The following CTNND2 variants were observed in gnomAD, a reference collection of about 807,000 sequenced individuals.
CTNND2 encodes catenin delta-2.
CTNND2 carries 22 observed loss-of-function variants against 144.4 expected under a neutral mutation model. The observed-to-expected ratio is 0.15, with a 90% CI of 0.11 to 0.22. The LOEUF (loss-of-function observed/expected upper bound fraction) is 0.22, where lower values mean the gene tolerates loss of function less well. CTNND2 is among the 10% of genes least tolerant of loss of function. The pLI is 1.00. For missense variants in CTNND2, 1,353 were observed against 1,618.8 expected (o/e 0.84, Z 2.82); for synonymous variants, 751 against 695.6 (o/e 1.08, Z -1.25).
At chr5:11,753,102 T>C (rs1788717681) in intron 1 of CTNND2, among the ~76,000 whole-genome samples, 1 of 151,798 alleles carries the variant, frequency 6.6e-6, no homozygotes, top group Non-Finnish European at 1.5e-5. Context: ...GTTTTCTAGG[T>C]ATAGAATCAT....
chr5:11,131,227 T>G (rs561639557), intron 12 of CTNND2, among the ~76,000 whole-genome samples: 1 of 152,154 alleles, frequency 6.6e-6, no homozygotes, highest in African/African-American at 2.4e-5. Context: ...CTAGGAAACA[T>G]TGCAGAAGAG....
rs1485258098 is a variant in CTNND2, at chr5:11,817,622, C to T, written c.38-85350G>A. Reference sequence around the variant, plus strand: ...GGCAGCTGTGGTGGAAATTCTGAATCGGATGAGACTTAAGACATAAAAGCC... The same window carrying T: ...GGCAGCTGTGGTGGAAATTCTGAATTGGATGAGACTTAAGACATAAAAGCC... On this transcript the variant is annotated intron_variant, in intron 1 of 21. Transcript: ENST00000304623. Among the ~76,000 whole-genome samples, 5 of 152,016 alleles carry T rather than the reference C, an allele frequency of 3.3e-5. No homozygotes were observed. In the South Asian group the frequency reaches 8.3e-4, roughly 25 times the overall value.
At chr5:11,413,710 G>A (rs118066947) in intron 3 of CTNND2, among the ~76,000 whole-genome samples, 20 of 152,180 alleles carry the variant, frequency 1.3e-4, no homozygotes, top group East Asian at 3.9e-4. Context: ...TGATCCTTGC[G>A]TGCTTCTAAC....
intron 9 of CTNND2, among the ~76,000 whole-genome samples, chr5:11,338,680 G>T (rs1351516945): frequency 1.3e-5 from 2 of 152,140 alleles, no homozygotes; most frequent in African/African-American, 2.4e-5. Flanking sequence ...AATTAGGTGG[G>T]TATATTTAGG....
At chr5:11,275,626 A>T (rs1026570554) in intron 9 of CTNND2, among the ~76,000 whole-genome samples, 3 of 152,202 alleles carry the variant, frequency 2.0e-5, no homozygotes, top group African/African-American at 7.2e-5. Context: ...TGCTTAGTAA[A>T]CATCACTTCT....
At chr5:11,617,205 GCTC>G (rs2126409649) in intron 2 of CTNND2, among the ~76,000 whole-genome samples, 1 of 152,236 alleles carries the variant, frequency 6.6e-6, no homozygotes, top group Admixed American at 6.5e-5. Flanking sequence ...TTACACAAAT[GCTC>G]CTATTTCTGA....
At chr5:11,748,690 A>C (rs940037592) in intron 1 of CTNND2, among the ~76,000 whole-genome samples, 3 of 151,986 alleles carry the variant, frequency 2.0e-5, no homozygotes, top group Non-Finnish European at 2.9e-5. Context: ...TTACCTCCTA[A>C]TGAAAATATT....
At chr5:11,645,723 T>C (rs2126519773) in intron 2 of CTNND2, among the ~76,000 whole-genome samples, 1 of 152,292 alleles carries the variant, frequency 6.6e-6, no homozygotes, top group South Asian at 2.1e-4. Context: ...GAAATAAAAA[T>C]ATCTTGTCCT....
Position 11,229,284 on chromosome 5 carries a change from C to T in CTNND2, c.1761+7407G>A, listed in dbSNP as rs564332079. Among the ~76,000 whole-genome samples the T allele has an allele frequency of 1.4e-4, 21 of 152,146 alleles. No individual in the cohort carries two copies. The South Asian group carries it at 4.4e-3, about 32-fold the overall frequency. ...TATGTTTAAAAGAAAATACATTTTC[C>T]AATTATTTGAACATTTATAATTTTT... On this transcript the variant is annotated intron_variant, in intron 10 of 21. Transcript: ENST00000304623.
intron 3 of CTNND2, among the ~76,000 whole-genome samples, chr5:11,412,752 C>T (rs1761641839): frequency 6.6e-6 from 1 of 152,142 alleles, no homozygotes. Flanking sequence ...ATGAGCAATT[C>T]TTCCATTGTG....
At chr5:10,982,339 C>T (rs193069253) in intron 20 of CTNND2, among the ~76,000 whole-genome samples, 3 of 152,376 alleles carry the variant, frequency 2.0e-5, no homozygotes, top group Admixed American at 2.0e-4. Flanking sequence ...GCATCGCCTG[C>T]ATGTCCCCCA....
chr5:11,289,654 C>T (rs571412946), intron 9 of CTNND2, among the ~76,000 whole-genome samples: 1 of 152,292 alleles, frequency 6.6e-6, no homozygotes, highest in Admixed American at 6.5e-5. Flanking sequence ...ACAACAGCAA[C>T]TGCTCTCTGG....
rs1032406586 is a variant in CTNND2 at position 11,904,259 on chromosome 5, C to T, written c.-406G>A. 1.4e-5 allele frequency among the ~76,000 whole-genome samples: 2 copies of T among 145,628 alleles called. No homozygotes were observed. The highest frequency in any genetic ancestry group is 4.9e-5 in the African/African-American group (2 of 40,708). On this transcript the variant is annotated 5_prime_UTR_variant, in exon 1 of 22. Coordinates refer to ENST00000304623, the MANE Select transcript of CTNND2 (RefSeq NM_001332.4). This position sits in a 1 kb window ranked among gnomAD's most constrained non-coding sequence, Gnocchi z 4.2. ...CTGGGGCCGCCGCGGCGCCCGGCGC[C>T]GAGCGCTCCCGAGCTGCGCCCCGCG...
At chr5:11,865,902 C>CAAAAAAAAAACAAA (rs1553986083) in intron 1 of CTNND2, among the ~76,000 whole-genome samples, 1 of 87,426 alleles carries the variant, frequency 1.1e-5, no homozygotes, top group Non-Finnish European at 2.2e-5. Context: ...CTGGAAGAGA[C>CAAAAAAAAAACAAA]AAAAAAAAAA....
chr5:11,328,651 T>C (rs1451275085), intron 9 of CTNND2, among the ~76,000 whole-genome samples: 4 of 152,194 alleles, frequency 2.6e-5, no homozygotes, highest in Non-Finnish European at 5.9e-5. Flanking sequence ...GCAGAATGAA[T>C]GGCCACTTAA....
intron 1 of CTNND2, among the ~76,000 whole-genome samples, chr5:11,796,292 T>C (rs528097632): frequency 2.8e-4 from 43 of 152,314 alleles, no homozygotes; most frequent in African/African-American, 9.6e-4. Context: ...CTTTCAGGGC[T>C]ATTCTTCCAC....
At chr5:11,536,803 A>G (rs1340857078) in intron 3 of CTNND2, among the ~76,000 whole-genome samples, 2 of 152,154 alleles carry the variant, frequency 1.3e-5, no homozygotes, top group Non-Finnish European at 2.9e-5. Flanking sequence ...GGGCGCACCA[A>G]AATCTCAGAA....
chr5:11,803,146 C>T (rs974469163), intron 1 of CTNND2, among the ~76,000 whole-genome samples: 5 of 151,962 alleles, frequency 3.3e-5, no homozygotes, highest in Non-Finnish European at 7.4e-5. Context: ...ATGGTGAAAC[C>T]CCGTCTCTAC....
At chr5:11,385,690 T>C (rs1213442460) in intron 6 of CTNND2, 1 of 152,162 alleles carries the variant, frequency 6.6e-6, no homozygotes, top group Non-Finnish European at 1.5e-5. Flanking sequence ...TAGATACACT[T>C]TCTACCTCTG....
Sources: gnomAD v4.1 joint callset for allele counts (sites outside exome capture counted in the v4.1 genomes callset) on GRCh38, gnomAD v4.1.1 for gene constraint, Gnocchi (gnomAD v3.1) non-coding constraint, MANE v1.5 for transcripts, NCBI Gene and HGNC (gene_info 2026-07-23, HGNC 2026-07-21) for gene names.